Variants in MYO1E observed in about 807,000 individuals in gnomAD.
MYO1E encodes the protein unconventional myosin-Ie.
Under a neutral mutation model 151.1 loss-of-function variants are expected in MYO1E, and 68 were observed. The observed-to-expected ratio is 0.45, with a 90% CI of 0.37 to 0.55. The LOEUF (loss-of-function observed/expected upper bound fraction) is 0.55, where lower values mean the gene tolerates loss of function less well. Among genes scored for constraint, MYO1E ranks in the 20% least tolerant of loss-of-function variants. The pLI is 0.00. For synonymous variants in MYO1E, 601 were observed against 501.7 expected (o/e 1.20, Z -2.64); for missense variants, 1,363 against 1,389.3 (o/e 0.98, Z 0.30).
intron 1 of MYO1E, among the ~76,000 whole-genome samples, chr15:59,319,737 C>T (rs542586310): frequency 6.6e-6 from 1 of 151,464 alleles, no homozygotes; most frequent in African/African-American, 2.4e-5. Flanking sequence ...AACCCTATCT[C>T]TACTAAAAAT....
intron 12 of MYO1E, among the ~76,000 whole-genome samples, chr15:59,212,317 C>T (rs1448835450): frequency 6.6e-6 from 1 of 151,994 alleles, no homozygotes. Context: ...CCTACCCCAC[C>T]CCTTAGAGTA....
chr15:59,246,905 C>T (rs1281381880), intron 4 of MYO1E, among the ~76,000 whole-genome samples: 3 of 152,192 alleles, frequency 2.0e-5, no homozygotes, highest in Non-Finnish European at 4.4e-5. Context: ...ATTTATCCTC[C>T]GTTGATGACA....
At position 59,224,801 on chromosome 15, in the gene MYO1E, T is replaced by C. The variant is rs761315927; in HGVS notation, c.665A>G (p.Glu222Gly). The part of the protein sequence containing the change: ...FYQLIEGASA[E>G]QKHSLGITSM... Reference sequence around the variant, plus strand: ...GGTGATGCCAAGGCTGTGTTTCTGCTCTGCAGAGGCGCCCTCGATGAGCTG... The same window carrying C: ...GGTGATGCCAAGGCTGTGTTTCTGCCCTGCAGAGGCGCCCTCGATGAGCTG... The change falls in exon 8 of 28, where the codon GAG (glutamate) becomes GGG (glycine). Residue 222 changes from glutamate (E) to glycine (G), a missense_variant. By Grantham distance (98) the Glu-to-Gly change is moderately conservative. Transcript: ENST00000288235. 3.7e-6 allele frequency: 6 copies of C among 1,614,196 alleles called. No homozygotes were observed. Among genetic ancestry groups the C allele is most frequent in the Non-Finnish European group, 3.4e-6 (4 of 1,180,030 alleles).
intron 1 of MYO1E, among the ~76,000 whole-genome samples, chr15:59,321,341 A>T (rs148661516): frequency 0.017 from 2,546 of 152,378 alleles, 30 homozygotes; most frequent in Non-Finnish European, 0.026. Context: ...GTATACATCG[A>T]AAAGAAAATA....
At position 59,159,203 on chromosome 15, in the gene MYO1E, C is replaced by A. The variant is rs906722531; in HGVS notation, c.2786-824G>T. ...AGCTCTAGGGCCTGGGAGAACCGAC[C>A]ACGTGGGATCGGGGCAAACCCAGTG... On this transcript the variant is annotated intron_variant, in intron 24 of 27. Coordinates refer to ENST00000288235, the MANE Select transcript of MYO1E (RefSeq NM_004998.4). This position sits in a 1 kb window ranked among gnomAD's most constrained non-coding sequence, Gnocchi z 4.4. Among the ~76,000 whole-genome samples the A allele has an allele frequency of 1.2e-4, 19 of 152,224 alleles. No individual in the cohort carries two copies. The highest frequency in any genetic ancestry group is 5.9e-5 in the Non-Finnish European group (4 of 68,024).
chr15:59,160,249 T>G (rs2079529860), intron 24 of MYO1E, among the ~76,000 whole-genome samples: 1 of 152,096 alleles, frequency 6.6e-6, no homozygotes, highest in African/African-American at 2.4e-5. Context: ...TTCTATGCTG[T>G]GTGCTATAGA....
At chr15:59,263,191 C>T (rs1171046689) in intron 2 of MYO1E, among the ~76,000 whole-genome samples, 1 of 152,162 alleles carries the variant, frequency 6.6e-6, no homozygotes, top group Non-Finnish European at 1.5e-5. Flanking sequence ...CACAGGAGAA[C>T]ATTTTTATAT....
chr15:59,237,217 T>C lies in MYO1E; in HGVS notation c.333-545A>G, dbSNP rs78850415. On this transcript the variant is annotated intron_variant, in intron 4 of 27. Coordinates refer to ENST00000288235, the MANE Select transcript of MYO1E (RefSeq NM_004998.4). Reference sequence around the variant, plus strand: ...TAGTTTTCAAACATTTTATAATGCATATGCTATTTTTGTAATTTAAAAAAA... The same window carrying C: ...TAGTTTTCAAACATTTTATAATGCACATGCTATTTTTGTAATTTAAAAAAA... 3.2e-4 allele frequency among the ~76,000 whole-genome samples: 49 copies of C among 152,352 alleles called. No individual in the cohort carries two copies. In the East Asian group the frequency reaches 9.2e-3, roughly 29 times the overall value.
intron 18 of MYO1E, among the ~76,000 whole-genome samples, chr15:59,183,980 C>G (rs1566972915): frequency 6.6e-6 from 1 of 152,162 alleles, no homozygotes; most frequent in Non-Finnish European, 1.5e-5. Context: ...ATAATGATCT[C>G]CAATTCCATC....
intron 26 of MYO1E, among the ~76,000 whole-genome samples, chr15:59,143,905 C>T (rs1287412762): frequency 6.6e-6 from 1 of 152,202 alleles, no homozygotes; most frequent in Admixed American, 6.5e-5. Context: ...CATACTCTGG[C>T]AAACCCCCGG....
chr15:59,275,172 T>G lies in MYO1E; in HGVS notation c.4-2723A>C, dbSNP rs192012119. Among the ~76,000 whole-genome samples the G allele has an allele frequency of 1.4e-4, 22 of 152,284 alleles. 1 individual carries two copies. The highest frequency in any genetic ancestry group is 2.0e-4 in the Admixed American group (3 of 15,290). Reference sequence around the variant, plus strand: ...CGTGGTTTCTTCACAGTCTCATACATGAATGACTGACTTATTGGATATTTC... The same window carrying G: ...CGTGGTTTCTTCACAGTCTCATACAGGAATGACTGACTTATTGGATATTTC... On this transcript the variant is annotated intron_variant, in intron 1 of 27. Transcript: ENST00000288235.
At chr15:59,210,663 AC>A in intron 12 of MYO1E, 63 bp from the exon 13 acceptor site, 1 of 1,165,302 alleles carries the variant, frequency 8.6e-7, no homozygotes, top group South Asian at 1.2e-5. Context: ...GCACGGACAG[AC>A]CCTGAATGGA....
rs1456509362 is a variant in MYO1E, at chr15:59,339,118, CAA to C, written c.3+33378_3+33379del. On this transcript the variant is annotated intron_variant, in intron 1 of 27. Transcript: ENST00000288235. The stretch of plus-strand genomic sequence containing the variant: ...CTGCACTCCAGCCTGGGTGGCAGAG[CAA>C]GACTCTGTCTCAAAAAAAGAAAATG... 3.3e-5 allele frequency among the ~76,000 whole-genome samples: 5 copies of C among 152,152 alleles called. No homozygotes were observed. The East Asian group carries it at 9.6e-4, about 29-fold the overall frequency.
chr15:59,300,696 C>A (rs2080476853), intron 1 of MYO1E, among the ~76,000 whole-genome samples: 1 of 152,076 alleles, frequency 6.6e-6, no homozygotes, highest in Non-Finnish European at 1.5e-5. Context: ...AAAAGAAATT[C>A]CCAAACTGCC....
chr15:59,175,221 T>C (rs1334207094), intron 19 of MYO1E, among the ~76,000 whole-genome samples: 3 of 152,222 alleles, frequency 2.0e-5, no homozygotes, highest in Non-Finnish European at 4.4e-5. Context: ...TCTGTAAATC[T>C]GCACTTGATC....
At chr15:59,303,740 G>A (rs1406397332) in intron 1 of MYO1E, among the ~76,000 whole-genome samples, 2 of 152,084 alleles carry the variant, frequency 1.3e-5, no homozygotes, top group Non-Finnish European at 2.9e-5. Context: ...ATGTGACAGG[G>A]AAAGGCGGTG....
intron 1 of MYO1E, among the ~76,000 whole-genome samples, chr15:59,312,909 A>C (rs1214233721): frequency 6.6e-6 from 1 of 152,138 alleles, no homozygotes; most frequent in East Asian, 1.9e-4. Flanking sequence ...GCATGGTGGC[A>C]TGCCACCTGT....
rs543776150 is a variant in MYO1E at position 59,137,021 on chromosome 15, C to T, written c.*359G>A. On this transcript the variant is annotated 3_prime_UTR_variant, in exon 28 of 28. Transcript: ENST00000288235. ...AAAGGCACTTGTCAGCGGCCACCTA[C>T]AGCCATTCTCTAGGCCTGGTGAGCA... is the stretch of plus-strand genomic sequence containing the variant. The T allele has an allele frequency of 3.4e-5, 13 of 379,206 alleles. No individual in the cohort carries two copies. Among genetic ancestry groups the T allele is most frequent in the South Asian group, 2.8e-4 (13 of 45,738 alleles). 23.5% of individuals were successfully genotyped at this position (379,206 alleles called of 1,614,324 possible). A position where few individuals can be genotyped will look rare whatever the true frequency, so the allele number is the denominator to read the frequency against.
intron 1 of MYO1E, among the ~76,000 whole-genome samples, chr15:59,292,534 G>A (rs146590176): frequency 9.9e-5 from 15 of 152,212 alleles, no homozygotes; most frequent in South Asian, 2.1e-4. Context: ...CTAAAACAAT[G>A]TGCAGTTCCT....
Sources: allele counts gnomAD v4.1 joint callset (sites outside exome capture counted in the v4.1 genomes callset), GRCh38; gene constraint gnomAD v4.1.1; non-coding constraint Gnocchi (gnomAD v3.1); transcripts MANE v1.5; gene names NCBI Gene and HGNC (gene_info 2026-07-23, HGNC 2026-07-21).